SEC24D: variants seen among roughly 807,000 people sequenced by gnomAD.
SEC24D encodes protein transport protein Sec24D.
SEC24D carries 69 observed loss-of-function variants against 116.9 expected under a neutral mutation model. That is an observed-to-expected ratio of 0.59 (90% CI 0.49 to 0.72). The LOEUF is 0.72. Ranked by LOEUF, SEC24D falls within the 30% of genes least tolerant of loss-of-function variation. The pLI, the probability that SEC24D is intolerant of heterozygous loss-of-function variation, is 0.00. For missense variants in SEC24D, 1,131 were observed against 1,264.1 expected (o/e 0.89, Z 1.60); for synonymous variants, 405 against 442.8 (o/e 0.91, Z 1.07).
chr4:118,816,781 C>CTG (rs577154713), intron 4 of SEC24D: 127 of 455,890 alleles, frequency 2.8e-4, no homozygotes, highest in African/African-American at 2.3e-3. Context: ...AATCTCAGTA[C>CTG]TGTGACTCTT....
chr4:118,818,717 T>A (rs1008155364), intron 3 of SEC24D, among the ~76,000 whole-genome samples: 1 of 151,948 alleles, frequency 6.6e-6, no homozygotes, highest in African/African-American at 2.4e-5. Flanking sequence ...TTAGGACTCT[T>A]CTGTAATGAT....
At chr4:118,743,523 G>T (rs1006815393) in intron 15 of SEC24D, among the ~76,000 whole-genome samples, 1 of 151,914 alleles carries the variant, frequency 6.6e-6, no homozygotes, top group Non-Finnish European at 1.5e-5. Context: ...TCACCTGTAG[G>T]TTACTTATTT....
At chr4:118,783,998 A>T (rs549873466) in intron 8 of SEC24D, among the ~76,000 whole-genome samples, 57 of 152,180 alleles carry the variant, frequency 3.7e-4, no homozygotes, top group Non-Finnish European at 7.2e-4. Flanking sequence ...AGCTCAGGAG[A>T]TCAAGACCAG....
At position 118,786,677 on chromosome 4, in the gene SEC24D, C is replaced by T. The variant is rs553448905; in HGVS notation, c.1041+11006G>A. Among the ~76,000 whole-genome samples the T allele has an allele frequency of 7.8e-4, 118 of 152,052 alleles. 1 individual carries two copies. The highest frequency in any genetic ancestry group is 1.5e-3 in the Non-Finnish European group (102 of 68,014). On this transcript the variant is annotated intron_variant, in intron 8 of 22. Coordinates refer to ENST00000280551, the MANE Select transcript of SEC24D (RefSeq NM_014822.4). The stretch of plus-strand genomic sequence containing the variant: ...ATGTTAAAATATGAGAAAATATGGG[C>T]CTTAGAATTTAGAGAAATAGCAGCA...
intron 10 of SEC24D, among the ~76,000 whole-genome samples, chr4:118,762,692 A>C (rs1035565280): frequency 1.3e-5 from 2 of 152,204 alleles, no homozygotes; most frequent in South Asian, 4.1e-4. Flanking sequence ...ATTATAATCA[A>C]ATTTGAAGAT....
At chr4:118,753,939 C>T (rs1726958463) in intron 11 of SEC24D, 2 of 151,992 alleles carry the variant, frequency 1.3e-5, no homozygotes, top group African/African-American at 4.8e-5. Flanking sequence ...TTGCATACGG[C>T]CTAAAGAGTT....
chr4:118,757,987 C>A, intron 10 of SEC24D, 142 bp from the exon 11 acceptor site: 1 of 659,836 alleles, frequency 1.5e-6, no homozygotes, highest in Non-Finnish European at 2.4e-6. Context: ...AATCATTTTT[C>A]CAGAATATCT....
At chr4:118,820,482 A>G (rs888132227) in intron 3 of SEC24D, among the ~76,000 whole-genome samples, 1 of 152,026 alleles carries the variant, frequency 6.6e-6, no homozygotes, top group Admixed American at 6.6e-5. Context: ...CCCAGCCAAT[A>G]TTTTTTAATT....
At chr4:118,830,870 T>A (rs552796345) in intron 2 of SEC24D, among the ~76,000 whole-genome samples, 12 of 152,226 alleles carry the variant, frequency 7.9e-5, no homozygotes, top group East Asian at 5.8e-4. Context: ...AGTTACAAGA[T>A]CATTTTAGTA....
At position 118,815,121 on chromosome 4, in the gene SEC24D, C is replaced by T. The variant is rs146949196; in HGVS notation, c.708G>A (p.Leu236=). The T allele has an allele frequency of 5.0e-6, 8 of 1,614,002 alleles. No homozygotes were observed. In the Admixed American group the frequency reaches 1.3e-4, roughly 27 times the overall value. ...NSGPQMAGAQ[L]SYPGGFPGGP... ...CTCCAGGGAAGCCTCCTGGGTAAGACAGTTGTGCGCCTGCCATCTGGGGAC... is the reference window on the plus strand; with the variant it reads ...CTCCAGGGAAGCCTCCTGGGTAAGATAGTTGTGCGCCTGCCATCTGGGGAC... The change falls in exon 6 of 23, where the codon CTG becomes CTA. Residue 236 remains leucine, a synonymous_variant. Coordinates refer to ENST00000280551, the MANE Select transcript of SEC24D (RefSeq NM_014822.4).
Position 118,805,868 on chromosome 4 carries a change from A to T in SEC24D, c.888T>A (p.Thr296=). The part of the protein sequence containing the change: ...NTRGQIPPLV[T]TDCMIQDQGN... ...CTTGGTCTTGTATCATGCAATCTGT[A>T]GTGACCAGGGGAGGGATCTGGCCTC... is the stretch of plus-strand genomic sequence containing the variant. The change falls in exon 7 of 23, where the codon ACT becomes ACA. Residue 296 remains threonine, a synonymous_variant. Coordinates refer to ENST00000280551, the MANE Select transcript of SEC24D (RefSeq NM_014822.4). 6.3e-7 allele frequency: 1 copy of T among 1,579,876 alleles called. No individual in the cohort carries two copies. The highest frequency in any genetic ancestry group is 8.6e-7 in the Non-Finnish European group (1 of 1,165,966).
chr4:118,821,049 T>C (rs1730380111), intron 3 of SEC24D, among the ~76,000 whole-genome samples: 1 of 151,794 alleles, frequency 6.6e-6, no homozygotes, highest in South Asian at 2.1e-4. Context: ...CTGAAGTTTG[T>C]ATGCGGAATT....
chr4:118,793,086 T>C (rs1729003775), intron 8 of SEC24D, among the ~76,000 whole-genome samples: 1 of 151,464 alleles, frequency 6.6e-6, no homozygotes, highest in African/African-American at 2.4e-5. Context: ...ATCAGGAAAA[T>C]AATAAAGGGA....
At chr4:118,816,705 G>A (rs3775840) in intron 4 of SEC24D, 139,859 of 361,032 alleles carry the variant, frequency 0.39, 29,015 homozygotes, top group Admixed American at 0.55. Context: ...ATAAATGGCC[G>A]ACTGTGCTGT....
chr4:118,728,581 T>G lies in SEC24D; in HGVS notation c.2938A>C (p.Lys980Gln). 6.2e-7 allele frequency: 1 copy of G among 1,603,840 alleles called. No individual in the cohort carries two copies. Among genetic ancestry groups the G allele is most frequent in the Non-Finnish European group, 8.5e-7 (1 of 1,174,438 alleles). Residue 980 changes from lysine (K) to glutamine (Q), a missense_variant, in exon 22 of 23, where the codon AAG becomes CAG. Physicochemically the swap from Lys to Gln is moderately conservative, Grantham distance 53 (BLOSUM62 1). Transcript: ENST00000280551. ...CTTACCTTCATTGAATATGGCCTCT[T>G]TTGTTGGATAATACCCATTATCATT... is the stretch of plus-strand genomic sequence containing the variant. ...LRMIMGIIQQKRPYSMKLTIV... is the reference protein window; with the variant it reads ...LRMIMGIIQQQRPYSMKLTIV...
chr4:118,736,983 A>G (rs937401946), intron 19 of SEC24D, among the ~76,000 whole-genome samples: 3 of 152,246 alleles, frequency 2.0e-5, no homozygotes, highest in South Asian at 2.1e-4. Flanking sequence ...CTTTGAATCC[A>G]GTTGTTTCAA....
chr4:118,812,530 C>G (rs1156890466), intron 6 of SEC24D, among the ~76,000 whole-genome samples: 1 of 151,972 alleles, frequency 6.6e-6, no homozygotes, highest in Non-Finnish European at 1.5e-5. Flanking sequence ...AGCTGGACAG[C>G]GAGAGGACGT....
rs181729784 is a variant in SEC24D at position 118,833,705 on chromosome 4, T to C, written c.-9A>G. ...TAACCTTGTTGACTCATTATGAAAA[T>C]ATCATTCCATAGGATAATTCTACAA... On this transcript the variant is annotated 5_prime_UTR_variant, in exon 2 of 23. It adds an upstream start codon to the 5' untranslated region. Coordinates refer to ENST00000280551, the MANE Select transcript of SEC24D (RefSeq NM_014822.4). 4.5e-6 allele frequency: 7 copies of C among 1,568,382 alleles called. No homozygotes were observed. The East Asian group carries it at 1.6e-4, about 35-fold the overall frequency.
rs544337816 is a variant in SEC24D, at chr4:118,826,534, C to G, written c.119-1785G>C. ...AAACATTATTTTGGACAAAAGTAGG[C>G]AATTCACAACAGTAGCATTAAAATA... On this transcript the variant is annotated intron_variant, in intron 2 of 22. Transcript: ENST00000280551. 3.1e-4 allele frequency among the ~76,000 whole-genome samples: 47 copies of G among 152,128 alleles called. No individual in the cohort carries two copies. The South Asian group carries it at 3.5e-3, about 11-fold the overall frequency.
Sources: allele counts gnomAD v4.1 joint callset (sites outside exome capture counted in the v4.1 genomes callset), GRCh38; gene constraint gnomAD v4.1.1; transcripts MANE v1.5; gene names NCBI Gene and HGNC (gene_info 2026-07-23, HGNC 2026-07-21).